APLP2: variants seen among roughly 807,000 people sequenced by gnomAD.
APLP2 encodes amyloid beta precursor like protein 2, also known as CDEI box-binding protein.
A neutral mutation model predicts 89.9 loss-of-function variants in APLP2; 53 were observed. That is an observed-to-expected ratio of 0.59 (90% CI 0.47 to 0.74). The LOEUF (loss-of-function observed/expected upper bound fraction) is 0.74, where lower values mean the gene tolerates loss of function less well. APLP2 is among the 30% of genes least tolerant of loss of function. The pLI is 0.00. For missense variants in APLP2, 973 were observed against 975.9 expected, an observed-to-expected ratio of 1.00 and a Z score of 0.04; for synonymous variants, 372 against 348.6, an observed-to-expected ratio of 1.07 and a Z score of -0.75.
At chr11:130,101,021 T>G (rs1203496512) in intron 1 of APLP2, among the ~76,000 whole-genome samples, 11 of 151,824 alleles carry the variant, frequency 7.2e-5, no homozygotes. Flanking sequence ...AGTTTCAAAC[T>G]GTGGTCACTG....
chr11:130,105,786 A>G (rs61241715), intron 1 of APLP2, among the ~76,000 whole-genome samples: 24,086 of 149,064 alleles, frequency 0.16, 3,506 homozygotes, highest in East Asian at 0.44. Flanking sequence ...TCACCGCAAC[A>G]TCTGCCTCCC....
At chr11:130,082,113 A>G (rs75582255) in intron 1 of APLP2, among the ~76,000 whole-genome samples, 9,069 of 152,230 alleles carry the variant, frequency 0.06, 280 homozygotes, top group Non-Finnish European at 0.073. Context: ...GGTAGTCAAC[A>G]CTTTTCCAGT....
chr11:130,097,382 T>C (rs1315205094), intron 1 of APLP2, among the ~76,000 whole-genome samples: 3 of 152,248 alleles, frequency 2.0e-5, no homozygotes, highest in African/African-American at 7.2e-5. Flanking sequence ...TTTCATGCCT[T>C]TCAGCATAGC....
At chr11:130,106,973 C>A (rs1947870351) in intron 1 of APLP2, among the ~76,000 whole-genome samples, 2 of 152,162 alleles carry the variant, frequency 1.3e-5, no homozygotes, top group Admixed American at 1.3e-4. Flanking sequence ...AGGTGTGAGC[C>A]ACCGCGCCCG....
At chr11:130,117,653 A>G (rs1383093430) in intron 3 of APLP2, among the ~76,000 whole-genome samples, 1 of 152,182 alleles carries the variant, frequency 6.6e-6, no homozygotes, top group Non-Finnish European at 1.5e-5. Context: ...ACATGCATCT[A>G]TAAACAATGT....
At chr11:130,077,227 TGGGATAATGCTATCATTTTAAA>T (rs1256181469) in intron 1 of APLP2, among the ~76,000 whole-genome samples, 2 of 152,334 alleles carry the variant, frequency 1.3e-5, no homozygotes, top group East Asian at 3.9e-4. Flanking sequence ...TTGTTAGATC[TGGGATAATGCTATCATTTTAAA>T]GGGATAATGC....
chr11:130,122,237 A>G, intron 5 of APLP2, 68 bp from the exon 6 acceptor site: 8 of 1,547,328 alleles, frequency 5.2e-6, no homozygotes, highest in Non-Finnish European at 7.1e-6. Flanking sequence ...AGAATAGAGA[A>G]GGGACCCATT....
intron 11 of APLP2, among the ~76,000 whole-genome samples, chr11:130,132,742 A>C (rs1951073692): frequency 6.6e-6 from 1 of 152,216 alleles, no homozygotes; most frequent in Non-Finnish European, 1.5e-5. Context: ...TTTTTCAAAA[A>C]ATAGCAATTT....
intron 10 of APLP2, among the ~76,000 whole-genome samples, chr11:130,129,723 A>AG (rs1950730914): frequency 6.6e-6 from 1 of 152,246 alleles, no homozygotes; most frequent in Non-Finnish European, 1.5e-5. Context: ...TGGGTGACAC[A>AG]GGAGACTATC....
At chr11:130,108,811 G>A (rs140393789) in intron 1 of APLP2, 12,349 of 152,312 alleles carry the variant, frequency 0.081, 612 homozygotes, top group Admixed American at 0.14. Flanking sequence ...CAACCCAAAT[G>A]TCCATCAATG....
chr11:130,121,606 T>A lies in APLP2; in HGVS notation c.517-8T>A, dbSNP rs747045247. 2.5e-6 allele frequency: 4 copies of A among 1,609,440 alleles called. No individual in the cohort carries two copies. In the East Asian group the frequency reaches 8.9e-5, roughly 36 times the overall value. ...TATGTTCTGATGTGGCCTGTGGGTT[T>A]CTTTTAGGCATGTCTGACTCAGGGA... On this transcript the variant is annotated splice_polypyrimidine_tract_variant and splice_region_variant and intron_variant, in intron 4 of 16. Coordinates refer to ENST00000338167, the MANE Select transcript of APLP2 (RefSeq NM_001142276.2).
At chr11:130,132,194 C>T (rs766083578) in intron 11 of APLP2, among the ~76,000 whole-genome samples, 19 of 152,158 alleles carry the variant, frequency 1.2e-4, no homozygotes, top group African/African-American at 3.9e-4. Context: ...TTGCTGAACC[C>T]GTGGGTGTTG....
chr11:130,102,596 G>A (rs908522490), intron 1 of APLP2, among the ~76,000 whole-genome samples: 6 of 152,208 alleles, frequency 3.9e-5, no homozygotes, highest in African/African-American at 1.2e-4. Flanking sequence ...GGGTGTGCAC[G>A]TTTGCTTTGG....
chr11:130,135,830 CAG>C (rs1951512991), intron 13 of APLP2, 115 bp downstream of exon 13: 2 of 1,304,532 alleles, frequency 1.5e-6, no homozygotes, highest in Admixed American at 4.1e-5. Flanking sequence ...CTGCGAGAGT[CAG>C]GGGAAGGGAG....
chr11:130,143,218 C>T lies in APLP2; in HGVS notation c.2155-129C>T, dbSNP rs1952635192. On this transcript the variant is annotated intron_variant, in intron 16 of 16. Coordinates refer to ENST00000338167, the MANE Select transcript of APLP2 (RefSeq NM_001142276.2). The stretch of plus-strand genomic sequence containing the variant: ...CACCACCGGTTCTCATTTGGCCTGT[C>T]CGGTGGGAACGGGCTGCTGGCTGCA... The T allele has an allele frequency of 6.3e-6, 5 of 788,686 alleles. No individual in the cohort carries two copies. In the South Asian group the frequency reaches 7.5e-5, roughly 12 times the overall value. The allele number at this position is 788,686 out of a possible 1,614,324, so 48.9% of individuals were successfully genotyped here.
chr11:130,121,620 C>G lies in APLP2; in HGVS notation c.523C>G (p.Leu175Val), dbSNP rs147875682. The change falls in exon 5 of 17, where the codon CTG (leucine) becomes GTG (valine). Residue 175 changes from leucine to valine, a missense_variant. Transcript: ENST00000338167. ...HWHTVVKEACLTQGMTLYSYG... is the reference protein window; with the variant it reads ...HWHTVVKEACVTQGMTLYSYG... ...GCCTGTGGGTTTCTTTTAGGCATGT[C>G]TGACTCAGGGAATGACCTTATATAG... 1 of 1,612,322 alleles carries G rather than the reference C, an allele frequency of 6.2e-7. No individual in the cohort carries two copies. Among genetic ancestry groups the G allele is most frequent in the Non-Finnish European group, 8.5e-7 (1 of 1,178,898 alleles).
At chr11:130,106,137 A>G (rs1488846262) in intron 1 of APLP2, among the ~76,000 whole-genome samples, 1 of 152,244 alleles carries the variant, frequency 6.6e-6, no homozygotes, top group Non-Finnish European at 1.5e-5. Context: ...CTTATGGAAT[A>G]GTTGATTATT....
chr11:130,133,508 G>T, intron 11 of APLP2, 121 bp from the exon 12 acceptor site: 2 of 698,346 alleles, frequency 2.9e-6, no homozygotes, highest in Non-Finnish European at 2.6e-6. Context: ...GCTAGACTCT[G>T]TAGAGAATAT....
At position 130,113,432 on chromosome 11, in the gene APLP2, T is replaced by A. The variant is rs985759724; in HGVS notation, c.403+2771T>A. Among the ~76,000 whole-genome samples, 2 of 152,234 alleles carry A rather than the reference T, an allele frequency of 1.3e-5. 1 individual carries two copies. The highest frequency in any genetic ancestry group is 1.3e-4 in the Admixed American group (2 of 15,286). On this transcript the variant is annotated intron_variant, in intron 3 of 16. Transcript: ENST00000338167. ...ACTGAATAAAGCATTATACAATCTT[T>A]GGTGTTACTTCAGACGGTTATTCAT...
Sources: gnomAD v4.1 joint callset for allele counts (sites outside exome capture counted in the v4.1 genomes callset) on GRCh38, gnomAD v4.1.1 for gene constraint, MANE v1.5 for transcripts, NCBI Gene and HGNC (gene_info 2026-07-23, HGNC 2026-07-21) for gene names.